PTPRD: variants seen among roughly 807,000 people sequenced by gnomAD.
PTPRD encodes protein tyrosine phosphatase receptor type D.
Under a neutral mutation model 214.5 loss-of-function variants are expected in PTPRD, and 34 were observed. The observed-to-expected ratio is 0.16, with a 90% CI of 0.12 to 0.21. The LOEUF (loss-of-function observed/expected upper bound fraction) is 0.21. PTPRD is among the 10% of genes least tolerant of loss of function. The pLI is 1.00. For synonymous variants in PTPRD, 1,128 were observed against 845.7 expected, an observed-to-expected ratio of 1.33 and a Z score of -5.79; for missense variants, 2,545 against 2,398.7, an observed-to-expected ratio of 1.06 and a Z score of -1.27.
intron 2 of PTPRD, among the ~76,000 whole-genome samples, chr9:10,474,797 G>A (rs535825575): frequency 1.3e-5 from 2 of 152,076 alleles, no homozygotes; most frequent in East Asian, 1.9e-4. Context: ...TCAGACCACA[G>A]TGCAATCAAA....
intron 5 of PTPRD, among the ~76,000 whole-genome samples, chr9:9,773,950 G>A (rs2098775120): frequency 1.3e-5 from 2 of 152,124 alleles, no homozygotes; most frequent in African/African-American, 4.8e-5. Context: ...TATATTGCCT[G>A]TACAGGCAAT....
intron 19 of PTPRD, among the ~76,000 whole-genome samples, chr9:8,522,668 T>A (rs987381863): frequency 9.9e-5 from 15 of 152,136 alleles, no homozygotes; most frequent in African/African-American, 3.4e-4. Context: ...CTGCTTCAGA[T>A]AATCTGCAGG....
At chr9:10,217,239 T>C (rs1304060843) in intron 3 of PTPRD, among the ~76,000 whole-genome samples, 1 of 151,760 alleles carries the variant, frequency 6.6e-6, no homozygotes, top group East Asian at 1.9e-4. Context: ...TATTGGCACA[T>C]CTAGTATCAG....
intron 7 of PTPRD, among the ~76,000 whole-genome samples, chr9:9,726,601 A>G (rs1051717341): frequency 6.6e-6 from 1 of 152,202 alleles, no homozygotes; most frequent in Non-Finnish European, 1.5e-5. Context: ...AGGAATCTCA[A>G]TCATCTTCCA....
intron 7 of PTPRD, among the ~76,000 whole-genome samples, chr9:9,656,780 G>A (rs1248544999): frequency 1.4e-4 from 21 of 152,080 alleles, no homozygotes; most frequent in Non-Finnish European, 1.0e-4. Flanking sequence ...TGATAATAAT[G>A]TGTTGACATA....
intron 9 of PTPRD, among the ~76,000 whole-genome samples, chr9:9,223,368 C>T (rs1034130791): frequency 2.0e-5 from 3 of 151,910 alleles, no homozygotes; most frequent in African/African-American, 7.2e-5. Flanking sequence ...TTATAGGAAG[C>T]TCTTTTGTGC....
rs142035544 is a variant in PTPRD, at chr9:9,114,955, C to G, written c.-143+68349G>C. On this transcript the variant is annotated intron_variant, in intron 10 of 45. Coordinates refer to ENST00000381196, the MANE Select transcript of PTPRD (RefSeq NM_002839.4). Reference sequence around the variant, plus strand: ...GAATCAGTGTTGTTCTTAGGAGACTCTGCATATACAATGGTTATCTACATT... The same window carrying G: ...GAATCAGTGTTGTTCTTAGGAGACTGTGCATATACAATGGTTATCTACATT... Among the ~76,000 whole-genome samples the G allele has an allele frequency of 7.9e-5, 12 of 152,188 alleles. No homozygotes were observed. The East Asian group carries it at 2.3e-3, about 29-fold the overall frequency.
chr9:9,351,385 C>A (rs2051067893), intron 9 of PTPRD, among the ~76,000 whole-genome samples: 1 of 151,976 alleles, frequency 6.6e-6, no homozygotes, highest in Non-Finnish European at 1.5e-5. Flanking sequence ...ATTTATTGAG[C>A]TTGTCTAGAA....
intron 2 of PTPRD, among the ~76,000 whole-genome samples, chr9:10,414,495 G>T (rs971434049): frequency 2.0e-5 from 3 of 151,968 alleles, no homozygotes; most frequent in African/African-American, 7.2e-5. Flanking sequence ...TGGTGGATGT[G>T]TAAATTAGTT....
chr9:9,152,183 C>T (rs1236944045), intron 10 of PTPRD, among the ~76,000 whole-genome samples: 1 of 152,164 alleles, frequency 6.6e-6, no homozygotes, highest in East Asian at 1.9e-4. Context: ...TAACTAGCTC[C>T]ATGTCTAATC....
At chr9:8,334,312 AGAATG>A (rs1290552293) in intron 43 of PTPRD, among the ~76,000 whole-genome samples, 2 of 151,800 alleles carry the variant, frequency 1.3e-5, no homozygotes, top group East Asian at 2.0e-4. Context: ...TGCAAAAGAA[AGAATG>A]GAAATCATAA....
intron 9 of PTPRD, among the ~76,000 whole-genome samples, chr9:9,278,452 T>TA (rs1448887423): frequency 6.6e-6 from 1 of 151,338 alleles, no homozygotes; most frequent in African/African-American, 2.4e-5. Context: ...GATACATTTG[T>TA]AAGCCACTTA....
intron 36 of PTPRD, among the ~76,000 whole-genome samples, chr9:8,396,686 ACAT>A: frequency 6.6e-6 from 1 of 152,268 alleles, no homozygotes; most frequent in African/African-American, 2.4e-5. Context: ...CGGGTAAGAA[ACAT>A]CAGCAGGTAT....
chr9:9,672,013 G>A (rs1046248000), intron 7 of PTPRD, among the ~76,000 whole-genome samples: 1 of 152,174 alleles, frequency 6.6e-6, no homozygotes, highest in Non-Finnish European at 1.5e-5. Context: ...ATCACAACTT[G>A]TCAGGGATGC....
At chr9:9,630,633 G>A (rs1448152287) in intron 7 of PTPRD, among the ~76,000 whole-genome samples, 1 of 152,158 alleles carries the variant, frequency 6.6e-6, no homozygotes, top group Non-Finnish European at 1.5e-5. Flanking sequence ...AAAAAGAGGA[G>A]AGTCAGTATG....
chr9:9,137,983 C>G (rs191547592), intron 10 of PTPRD, among the ~76,000 whole-genome samples: 10 of 152,162 alleles, frequency 6.6e-5, no homozygotes, highest in Non-Finnish European at 1.5e-4. Context: ...GCAGAGAAAA[C>G]AGGTCAGAGA....
chr9:10,053,873 C>T (rs116033460), intron 3 of PTPRD, among the ~76,000 whole-genome samples: 1 of 152,066 alleles, frequency 6.6e-6, no homozygotes, highest in Non-Finnish European at 1.5e-5. Context: ...AGTCTCGTGC[C>T]TCATCCTACT....
chr9:10,260,421 A>G (rs1191674474), intron 3 of PTPRD, among the ~76,000 whole-genome samples: 1 of 152,152 alleles, frequency 6.6e-6, no homozygotes, highest in South Asian at 2.1e-4. Flanking sequence ...TTTTTTGTCA[A>G]CAGATACAGA....
intron 11 of PTPRD, among the ~76,000 whole-genome samples, chr9:8,799,020 T>C (rs1411640689): frequency 6.6e-6 from 1 of 152,164 alleles, no homozygotes; most frequent in African/African-American, 2.4e-5. Flanking sequence ...AAAGTGGTAA[T>C]GCACTGAGCA....
Sources: gnomAD v4.1 joint callset for allele counts (sites outside exome capture counted in the v4.1 genomes callset) on GRCh38, gnomAD v4.1.1 for gene constraint, MANE v1.5 for transcripts, NCBI Gene and HGNC (gene_info 2026-07-23, HGNC 2026-07-21) for gene names.